SHANK1: variants seen among roughly 807,000 people sequenced by gnomAD.
SHANK1 encodes SH3 and multiple ankyrin repeat domains protein 1.
SHANK1 carries 35 observed loss-of-function variants against 165.6 expected under a neutral mutation model. That is an observed-to-expected ratio of 0.21 (90% CI 0.16 to 0.28). The LOEUF (loss-of-function observed/expected upper bound fraction) is 0.28. Ranked by LOEUF, SHANK1 falls within the 10% of genes least tolerant of loss-of-function variation. The pLI is 1.00. For missense variants in SHANK1, 2,681 were observed against 3,036.4 expected, an observed-to-expected ratio of 0.88 and a Z score of 2.75; for synonymous variants, 1,428 against 1,384.8, an observed-to-expected ratio of 1.03 and a Z score of -0.69.
At chr19:50,677,925 C>CAATA (rs1415385109) in intron 21 of SHANK1, among the ~76,000 whole-genome samples, 1 of 152,188 alleles carries the variant, frequency 6.6e-6, no homozygotes, top group Admixed American at 6.5e-5. Context: ...AGCCACAGAC[C>CAATA]AATACTCTGC....
rs1986774075 is a variant in SHANK1 at position 50,697,346 on chromosome 19, C to T, written c.1938-224G>A. On this transcript the variant is annotated intron_variant, in intron 14 of 23. Coordinates refer to ENST00000293441, the MANE Select transcript of SHANK1 (RefSeq NM_016148.5). The surrounding 1 kb of genome is among the most constrained non-coding windows in gnomAD (Gnocchi z 4.7). ...CCCCGGCCCCCCCAGGCATCCCCAC[C>T]CTGCCCTGACCACCCCGTTGTCTCT... 6.6e-6 allele frequency among the ~76,000 whole-genome samples: 1 copy of T among 152,202 alleles called. No individual in the cohort carries two copies. Among genetic ancestry groups the T allele is most frequent in the South Asian group, 2.1e-4 (1 of 4,836 alleles).
rs758466736 is a variant in SHANK1 at position 50,703,791 on chromosome 19, C to A, written c.1262G>T (p.Arg421Leu). ...CGTCAGCCCTGTGCCTGGGGGCCCC[C>A]GTCGCCGGGCCGCGTACTTGGGGGA... ...QESPKYAARR[R>L]GPPGTGLTVP... The change falls in exon 11 of 24, where the codon CGG becomes CTG. Residue 421 changes from arginine to leucine, a missense_variant. Physicochemically the swap from Arg to Leu is moderately radical, Grantham distance 102 (BLOSUM62 -2). Transcript: ENST00000293441. 2 of 1,426,926 alleles carry A rather than the reference C, an allele frequency of 1.4e-6. No individual in the cohort carries two copies. Among genetic ancestry groups the A allele is most frequent in the Non-Finnish European group, 1.8e-6 (2 of 1,095,330 alleles). 88.4% of individuals were successfully genotyped at this position (1,426,926 alleles called of 1,614,324 possible). A position where few individuals can be genotyped will look rare whatever the true frequency, so the allele number is the denominator to read the frequency against.
chr19:50,669,279 G>C lies in SHANK1; in HGVS notation c.2681C>G (p.Ala894Gly). 1 of 1,608,300 alleles carries C rather than the reference G, an allele frequency of 6.2e-7. No homozygotes were observed. Residue 894 changes from alanine (A) to glycine (G), a missense_variant, in exon 23 of 24, where the codon GCA becomes GGA. Physicochemically the swap from Ala to Gly is moderately conservative, Grantham distance 60. Around this residue, in one of 10 missense-constraint regions of SHANK1, gnomAD observed 206 missense variants for 216.0 expected, o/e 0.95. Transcript: ENST00000293441. Reference sequence around the variant, plus strand: ...TGCTAGGTAAGGTCTGTCATCTTCTGCCGCACCTGGGGAGATACAGAGGCT... The same window carrying C: ...TGCTAGGTAAGGTCTGTCATCTTCTCCCGCACCTGGGGAGATACAGAGGCT... ...LMLRQKSIGA[A>G]EDDRPYLAPP...
intron 15 of SHANK1, among the ~76,000 whole-genome samples, chr19:50,694,141 T>C (rs1271198654): frequency 6.7e-6 from 1 of 149,214 alleles, no homozygotes; most frequent in African/African-American, 2.5e-5. Flanking sequence ...ATGGACACAG[T>C]TGGGGGGTGG....
In SHANK1 at chr19:50,662,430, C is replaced by T. The variant is rs371197061; in HGVS notation, c.6021G>A (p.Ser2007=). The T allele has an allele frequency of 1.5e-4, 227 of 1,556,992 alleles. 1 individual carries two copies. The highest frequency in any genetic ancestry group is 9.5e-4 in the Middle Eastern group (5 of 5,238). The change falls in exon 24 of 24, where the codon TCG becomes TCA. Residue 2007 remains serine (S), a synonymous_variant. Coordinates refer to ENST00000293441, the MANE Select transcript of SHANK1 (RefSeq NM_016148.5). The surrounding 1 kb of genome is among the most constrained non-coding windows in gnomAD (Gnocchi z 7.7). ...TGGGCGCAGGGCTGACCTTGTGCTC[C>T]GAGGCGGGCAGCAGCGAGGGGCTGG... is the stretch of plus-strand genomic sequence containing the variant. ...RAPSPSLLPA[S]EHKVSPAPRP...
Position 50,667,373 on chromosome 19 carries a change from G to C in SHANK1, c.4587C>G (p.Pro1529=). The C allele has an allele frequency of 1.3e-6, 2 of 1,533,114 alleles. No individual in the cohort carries two copies. Among genetic ancestry groups the C allele is most frequent in the South Asian group, 1.2e-5 (1 of 80,102 alleles). The allele number at this position is 1,533,114 out of a possible 1,614,324, so 95.0% of individuals were successfully genotyped here. Residue 1529 remains proline (P), a synonymous_variant, in exon 23 of 24, where the codon CCC becomes CCG. Coordinates refer to ENST00000293441, the MANE Select transcript of SHANK1 (RefSeq NM_016148.5). This position sits in a 1 kb window ranked among gnomAD's most constrained non-coding sequence, Gnocchi z 5.7. ...PPPSPRRSVP[P]SPTSPRASEE... ...CGCTGGCCCTCGGGGAGGTCGGGGA[G>C]GGGGGCACGGACCGGCGTGGGCTGG...
chr19:50,704,599 A>C, intron 8 of SHANK1, 85 bp from the exon 9 acceptor site: 1 of 1,223,444 alleles, frequency 8.2e-7, no homozygotes, highest in East Asian at 2.3e-5. Flanking sequence ...CTGTGCTAAG[A>C]GCCTCAGGAA....
chr19:50,689,061 C>T, intron 16 of SHANK1, 93 bp from the exon 17 acceptor site: 1 of 1,129,694 alleles, frequency 8.9e-7, no homozygotes, highest in Non-Finnish European at 1.3e-6. Flanking sequence ...GGAGGCCTCA[C>T]CGCAGCTGAG....
Position 50,662,729 on chromosome 19 carries a change from G to T in SHANK1, c.5769-47C>A. 6.6e-7 allele frequency: 1 copy of T among 1,507,030 alleles called. No individual in the cohort carries two copies. The highest frequency in any genetic ancestry group is 8.9e-7 in the Non-Finnish European group (1 of 1,118,632). 93.4% of individuals were successfully genotyped at this position (1,507,030 alleles called of 1,614,324 possible). The stretch of plus-strand genomic sequence containing the variant: ...GTGGGGGAGGACAGGGATTTAGGGG[G>T]CAAGGGCAGGGGTGAGAAAGAGGCA... On this transcript the variant is annotated intron_variant, in intron 23 of 23. Transcript: ENST00000293441. The surrounding 1 kb of genome is among the most constrained non-coding windows in gnomAD (Gnocchi z 7.7).
rs777265455 is a variant in SHANK1, at chr19:50,704,252, G to A, written c.1156-66C>T. 107 of 1,518,718 alleles carry A rather than the reference G, an allele frequency of 7.0e-5. 1 individual carries two copies. The highest frequency in any genetic ancestry group is 6.5e-4 in the South Asian group (58 of 89,172). 94.1% of individuals were successfully genotyped at this position (1,518,718 alleles called of 1,614,324 possible). A position where few individuals can be genotyped will look rare whatever the true frequency, so the allele number is the denominator to read the frequency against. ...AGGCAGCAGAGAGAGGGCAGGGAACGTGGCGAGGTCCCTGGCCCGACCCAA... is the reference window on the plus strand; with the variant it reads ...AGGCAGCAGAGAGAGGGCAGGGAACATGGCGAGGTCCCTGGCCCGACCCAA... On this transcript the variant is annotated intron_variant, in intron 9 of 23. Transcript: ENST00000293441.
In SHANK1 at chr19:50,668,353, C is replaced by T. The variant is rs1481208340; in HGVS notation, c.3607G>A (p.Ala1203Thr). The T allele has an allele frequency of 6.4e-5, 80 of 1,259,430 alleles. No homozygotes were observed. Among genetic ancestry groups the T allele is most frequent in the Non-Finnish European group, 7.2e-5 (72 of 1,002,880 alleles). The allele number at this position is 1,259,430 out of a possible 1,614,324, so 78.0% of individuals were successfully genotyped here. Residue 1203 changes from alanine (A) to threonine (T), a missense_variant, in exon 23 of 24, where the codon GCC becomes ACC. Physicochemically the swap from Ala to Thr is moderately conservative, Grantham distance 58 (BLOSUM62 0). Transcript: ENST00000293441. ...GGGGACGGGGGCACGGGTGACATGGCCGGGGCGGGGCTGGGCGAGGAGCCG... is the reference window on the plus strand; with the variant it reads ...GGGGACGGGGGCACGGGTGACATGGTCGGGGCGGGGCTGGGCGAGGAGCCG... ...GGGSSPSPAP[A>T]MSPVPPSPSP...
At chr19:50,704,412 C>T (rs1278737414) in intron 9 of SHANK1, 25 bp downstream of exon 9, 5 of 1,610,098 alleles carry the variant, frequency 3.1e-6, no homozygotes, top group Non-Finnish European at 3.4e-6. Flanking sequence ...CTGGAAACTC[C>T]AGCACATCCC....
chr19:50,715,619 A>AG (rs2089060821), intron 4 of SHANK1, 40 bp downstream of exon 4: 10 of 1,539,836 alleles, frequency 6.5e-6, no homozygotes, highest in Non-Finnish European at 3.5e-6. Flanking sequence ...CTCCAGTGGT[A>AG]GGGGGCTATA....
chr19:50,677,676 C>A (rs1042769292), intron 21 of SHANK1, among the ~76,000 whole-genome samples: 2 of 152,150 alleles, frequency 1.3e-5, no homozygotes, highest in South Asian at 2.1e-4. Context: ...GGAAGCAATA[C>A]AAGACACCCT....
rs1248875492 is a variant in SHANK1, at chr19:50,661,664, T to A, written c.*301A>T. ...ACCCTCTATGGCTCTGTCTATCCCC[T>A]CCCCCCAGAATAGGCCCTTCCCTCC... On this transcript the variant is annotated 3_prime_UTR_variant, in exon 24 of 24. Transcript: ENST00000293441. 6.6e-6 allele frequency among the ~76,000 whole-genome samples: 1 copy of A among 150,926 alleles called. No individual in the cohort carries two copies. The highest frequency in any genetic ancestry group is 1.5e-5 in the Non-Finnish European group (1 of 67,732).
chr19:50,703,449 G>A (rs986841528), intron 11 of SHANK1, 51 bp downstream of exon 11: 2 of 1,462,378 alleles, frequency 1.4e-6, no homozygotes, highest in Non-Finnish European at 1.8e-6. Context: ...CCGATCTGGA[G>A]AGGGGATTTG....
chr19:50,675,191 T>C (rs2123102840), intron 21 of SHANK1, among the ~76,000 whole-genome samples: 1 of 152,260 alleles, frequency 6.6e-6, no homozygotes, highest in South Asian at 2.1e-4. Context: ...GCTATGATTG[T>C]GCCACTGCAC....
Position 50,702,873 on chromosome 19 carries a change from C to T in SHANK1, c.1554-213G>A, listed in dbSNP as rs142973247. Among the ~76,000 whole-genome samples, 6 of 152,246 alleles carry T rather than the reference C, an allele frequency of 3.9e-5. No homozygotes were observed. Among genetic ancestry groups the T allele is most frequent in the South Asian group, 2.1e-4 (1 of 4,820 alleles). On this transcript the variant is annotated intron_variant, in intron 11 of 23. Coordinates refer to ENST00000293441, the MANE Select transcript of SHANK1 (RefSeq NM_016148.5). This position sits in a 1 kb window ranked among gnomAD's most constrained non-coding sequence, Gnocchi z 5.3. ...GCCCCCTCTCCTGCCTCCTGGCTTC[C>T]GGCTCTGCCCCCTCCCACGGTCCTG...
Position 50,686,906 on chromosome 19 carries a change from G to C in SHANK1, c.2390-94C>G. 6.7e-7 allele frequency: 1 copy of C among 1,484,276 alleles called. No homozygotes were observed. Among genetic ancestry groups the C allele is most frequent in the Non-Finnish European group, 9.1e-7 (1 of 1,096,432 alleles). The allele number at this position is 1,484,276 out of a possible 1,614,324, so 91.9% of individuals were successfully genotyped here. On this transcript the variant is annotated intron_variant, in intron 19 of 23. Coordinates refer to ENST00000293441, the MANE Select transcript of SHANK1 (RefSeq NM_016148.5). This position sits in a 1 kb window ranked among gnomAD's most constrained non-coding sequence, Gnocchi z 5.7. ...GGGCGTGGCCAGCAGGTGCGGGCCAGTGGGCGTGGCGGGCGCGAGAGGGGC... is the reference window on the plus strand; with the variant it reads ...GGGCGTGGCCAGCAGGTGCGGGCCACTGGGCGTGGCGGGCGCGAGAGGGGC...
Sources: allele counts gnomAD v4.1 joint callset (sites outside exome capture counted in the v4.1 genomes callset), GRCh38; gene constraint gnomAD v4.1.1; regional missense constraint gnomAD v4.1.1; non-coding constraint Gnocchi (gnomAD v3.1); transcripts MANE v1.5; gene names NCBI Gene and HGNC (gene_info 2026-07-23, HGNC 2026-07-21).